The following ZFAT variants were observed in gnomAD, a reference collection of about 807,000 sequenced individuals.
The protein encoded by ZFAT is zinc finger protein ZFAT.
Under a neutral mutation model 117.7 loss-of-function variants are expected in ZFAT, and 64 were observed. That is an observed-to-expected ratio of 0.54 (90% CI 0.44 to 0.67). ZFAT has a LOEUF of 0.67. ZFAT is among the 30% of genes least tolerant of loss of function. ZFAT has a pLI of 0.00. For synonymous variants in ZFAT, 679 were observed against 615.0 expected (o/e 1.10, Z -1.54); for missense variants, 1,433 against 1,584.5 (o/e 0.90, Z 1.62).
chr8:134,583,772 G>C, intron 10 of ZFAT, 60 bp downstream of exon 10: 1 of 1,576,764 alleles, frequency 6.3e-7, no homozygotes, highest in Non-Finnish European at 8.6e-7. Flanking sequence ...TGACAAACTG[G>C]AACATCAGCT....
chr8:134,748,510 T>C, the ZFAT span, among the ~76,000 whole-genome samples: 1 of 152,248 alleles, frequency 6.6e-6, no homozygotes, highest in Non-Finnish European at 1.5e-5. Context: ...GGCATTTTGT[T>C]TGTTTCTGGT....
intron 1 of ZFAT, among the ~76,000 whole-genome samples, chr8:134,695,102 A>G (rs550580196): frequency 5.5e-4 from 83 of 152,280 alleles, no homozygotes; most frequent in African/African-American, 1.9e-3. Context: ...AACCCAGAAG[A>G]AGGCAGCGGC....
At chr8:134,583,711 G>T (rs1825871082) in intron 10 of ZFAT, 121 bp downstream of exon 10, 1 of 1,231,044 alleles carries the variant, frequency 8.1e-7, no homozygotes. Context: ...TCTTCCAGAA[G>T]CTCCTTCTAA....
chr8:134,479,376 G>A (rs1264623566), intron 15 of ZFAT, among the ~76,000 whole-genome samples: 2 of 152,224 alleles, frequency 1.3e-5, no homozygotes, highest in African/African-American at 4.8e-5. Flanking sequence ...GTCAGGGGAT[G>A]GGACCTCATG....
intron 11 of ZFAT, among the ~76,000 whole-genome samples, chr8:134,546,859 T>C (rs1822738662): frequency 6.6e-6 from 1 of 152,216 alleles, no homozygotes; most frequent in Non-Finnish European, 1.5e-5. Context: ...CATCAAATTA[T>C]TATCATTGAC....
intron 1 of ZFAT, among the ~76,000 whole-genome samples, chr8:134,705,965 C>T (rs1244935099): frequency 3.3e-5 from 5 of 152,132 alleles, no homozygotes; most frequent in South Asian, 2.1e-4. Flanking sequence ...AAGGGAGATA[C>T]CACTGCATAT....
At chr8:134,577,916 C>CG (rs889795772) in intron 10 of ZFAT, among the ~76,000 whole-genome samples, 1 of 152,080 alleles carries the variant, frequency 6.6e-6, no homozygotes, top group African/African-American at 2.4e-5. Flanking sequence ...CAGGAAGCCA[C>CG]GGGCGTCTGG....
At chr8:134,507,938 A>T (rs1819534111) in intron 15 of ZFAT, among the ~76,000 whole-genome samples, 1 of 152,204 alleles carries the variant, frequency 6.6e-6, no homozygotes, top group African/African-American at 2.4e-5. Flanking sequence ...GTTTCAGAAG[A>T]TATTTATAAG....
intron 5 of ZFAT, among the ~76,000 whole-genome samples, chr8:134,607,300 T>C (rs1158674757): frequency 6.6e-6 from 1 of 152,216 alleles, no homozygotes; most frequent in Admixed American, 6.5e-5. Flanking sequence ...CATCAATAAA[T>C]TCAATTGTTC....
chr8:134,524,689 A>G (rs940883304), intron 12 of ZFAT, among the ~76,000 whole-genome samples: 1 of 152,156 alleles, frequency 6.6e-6, no homozygotes, highest in Admixed American at 6.5e-5. Flanking sequence ...CCCCGATTGT[A>G]AGCAGTACTG....
chr8:134,722,939 A>G, the ZFAT span: 1 of 152,208 alleles, frequency 6.6e-6, no homozygotes, highest in Admixed American at 6.5e-5. Flanking sequence ...CAAAAGTGGA[A>G]ATTAGGACAG....
chr8:134,695,007 G>A (rs1410945769), intron 1 of ZFAT, among the ~76,000 whole-genome samples: 2 of 152,210 alleles, frequency 1.3e-5, no homozygotes, highest in Non-Finnish European at 2.9e-5. Context: ...ACCTGGGAAA[G>A]GGAGGATTCT....
the ZFAT span, among the ~76,000 whole-genome samples, chr8:134,786,159 C>T: frequency 1.3e-5 from 2 of 152,128 alleles, no homozygotes; most frequent in African/African-American, 4.8e-5. Context: ...TGTAGTTTTC[C>T]TTGGACTTTC....
At chr8:134,611,537 G>A (rs896494163) in intron 3 of ZFAT, among the ~76,000 whole-genome samples, 1 of 152,200 alleles carries the variant, frequency 6.6e-6, no homozygotes, top group South Asian at 2.1e-4. Flanking sequence ...GGAATCGGGG[G>A]TGAAACATCA....
the ZFAT span, among the ~76,000 whole-genome samples, chr8:134,762,533 TTCATTGGCCTC>T: frequency 6.6e-6 from 1 of 152,208 alleles, no homozygotes; most frequent in Non-Finnish European, 1.5e-5. Flanking sequence ...TTTTCCTGAT[TTCATTGGCCTC>T]TTCTCAGTAT....
At chr8:134,799,391 G>A in the ZFAT span, among the ~76,000 whole-genome samples, 2 of 151,744 alleles carry the variant, frequency 1.3e-5, no homozygotes, top group Non-Finnish European at 2.9e-5. Flanking sequence ...GAATGTGGAT[G>A]TATCACCAAA....
Position 134,665,260 on chromosome 8 carries a change from G to A in ZFAT, c.20-7523C>T, listed in dbSNP as rs548858628. ...GAAGGTGGCCACTTCTCTGGCCATG[G>A]GCTGCAGACATGATCAGATGGAGTT... On this transcript the variant is annotated intron_variant, in intron 1 of 15. Transcript: ENST00000377838. Among the ~76,000 whole-genome samples, 4 of 152,328 alleles carry A rather than the reference G, an allele frequency of 2.6e-5. No homozygotes were observed. In the East Asian group the frequency reaches 7.7e-4, roughly 29 times the overall value.
chr8:134,593,070 T>C (rs1157088216), intron 7 of ZFAT, among the ~76,000 whole-genome samples: 1 of 152,016 alleles, frequency 6.6e-6, no homozygotes, highest in East Asian at 1.9e-4. Flanking sequence ...TCCTCTGCCC[T>C]TGGCCTTGGG....
chr8:134,695,967 T>C (rs1174849983), intron 1 of ZFAT, among the ~76,000 whole-genome samples: 1 of 143,140 alleles, frequency 7.0e-6, no homozygotes, highest in South Asian at 2.3e-4. Context: ...GAGGAGCCCA[T>C]CCGCAGGCCC....
Sources: gnomAD v4.1 joint callset for allele counts (sites outside exome capture counted in the v4.1 genomes callset) on GRCh38, gnomAD v4.1.1 for gene constraint, MANE v1.5 for transcripts, NCBI Gene and HGNC (gene_info 2026-07-23, HGNC 2026-07-21) for gene names.